The following CPT1C variants were observed in gnomAD, a reference collection of about 807,000 sequenced individuals.
The protein encoded by CPT1C is carnitine palmitoyltransferase 1C.
CPT1C carries 61 observed loss-of-function variants against 97.3 expected under a neutral mutation model. The observed-to-expected ratio is 0.63, with a 90% CI of 0.51 to 0.78. The LOEUF (loss-of-function observed/expected upper bound fraction) is 0.78, where lower values mean the gene tolerates loss of function less well. Ranked by LOEUF, CPT1C falls within the 30% of genes least tolerant of loss-of-function variation. The probability of loss-of-function intolerance (pLI) is 0.00; values close to 1 mark genes in which losing one functional copy is unlikely to be tolerated. For synonymous variants in CPT1C, 469 were observed against 447.2 expected (o/e 1.05, Z -0.61); for missense variants, 975 against 1,065.5 (o/e 0.92, Z 1.18).
At chr19:49,702,605 G>A (rs1444944309) in intron 7 of CPT1C, among the ~76,000 whole-genome samples, 1 of 145,582 alleles carries the variant, frequency 6.9e-6, no homozygotes, top group Non-Finnish European at 1.5e-5. Flanking sequence ...GGGCCACAGA[G>A]CAAGACTCTG....
In CPT1C at chr19:49,706,377, A is replaced by G; in HGVS notation, c.1307A>G (p.Tyr436Cys). 6.6e-7 allele frequency: 1 copy of G among 1,508,186 alleles called. No homozygotes were observed. The highest frequency in any genetic ancestry group is 8.8e-7 in the Non-Finnish European group (1 of 1,134,746). 93.4% of individuals were successfully genotyped at this position (1,508,186 alleles called of 1,614,324 possible). ...GACCCGGCAGCGTCGTTGGATGCCT[A>G]CGCCCATGCTCTGCTGGCCGGCCGG... Reference protein sequence around the residue: ...REDPAASLDAYAHALLAGRGH... With the variant: ...REDPAASLDACAHALLAGRGH... Residue 436 changes from tyrosine (Y) to cysteine (C), a missense_variant, in exon 12 of 20, where the codon TAC becomes TGC. By Grantham distance (194) the Tyr-to-Cys change is radical (BLOSUM62 -2). This residue lies in a region of CPT1C where 596 missense variants were observed against 603.1 expected (regional missense o/e 0.99). Coordinates refer to ENST00000598293, the MANE Select transcript of CPT1C (RefSeq NM_001199753.2). The surrounding 1 kb of genome is among the most constrained non-coding windows in gnomAD (Gnocchi z 4.8).
In CPT1C at chr19:49,692,243, C is replaced by G. The variant is rs1015325166; in HGVS notation, c.-10C>G. On this transcript the variant is annotated 5_prime_UTR_variant, in exon 3 of 20. Coordinates refer to ENST00000598293, the MANE Select transcript of CPT1C (RefSeq NM_001199753.2). ...GTATGACTCTGCCCGACTCAGGGCT[C>G]CAGCGTGACATGGCTGAAGCGCACC... 6.2e-7 allele frequency: 1 copy of G among 1,613,150 alleles called. No homozygotes were observed. Among genetic ancestry groups the G allele is most frequent in the African/African-American group, 1.3e-5 (1 of 74,898 alleles).
chr19:49,706,643 A>AC lies in CPT1C; in HGVS notation c.1343+235dup, dbSNP rs965729766. On this transcript the variant is annotated intron_variant, in intron 12 of 19. Transcript: ENST00000598293. This position sits in a 1 kb window ranked among gnomAD's most constrained non-coding sequence, Gnocchi z 4.8. ...CAAGACCTATAAACCAGACCCAGTG[A>AC]CCCCCAAATCTGAGACTCCCAAACC... 6.6e-6 allele frequency among the ~76,000 whole-genome samples: 1 copy of AC among 151,630 alleles called. No homozygotes were observed. Among genetic ancestry groups the AC allele is most frequent in the Non-Finnish European group, 1.5e-5 (1 of 67,932 alleles).
chr19:49,695,035 G>A (rs1040537609), intron 3 of CPT1C, among the ~76,000 whole-genome samples: 8 of 151,840 alleles, frequency 5.3e-5, no homozygotes, highest in African/African-American at 1.9e-4. Flanking sequence ...CAGCTACTTG[G>A]GAGGCTGAGG....
In CPT1C at chr19:49,695,144, A is replaced by G. The variant is rs143385591; in HGVS notation, c.142-2182A>G. On this transcript the variant is annotated intron_variant, in intron 3 of 19. Coordinates refer to ENST00000598293, the MANE Select transcript of CPT1C (RefSeq NM_001199753.2). ...CAACAAAGCGAGACTCCGTCTCAAA[A>G]AAAAACAAACATGTGGCCATCCTTT... Among the ~76,000 whole-genome samples, 4 of 152,274 alleles carry G rather than the reference A, an allele frequency of 2.6e-5. 1 individual carries two copies. The East Asian group carries it at 7.7e-4, about 29-fold the overall frequency.
rs1440444204 is a variant in CPT1C at position 49,697,572 on chromosome 19, C to G, written c.281+107C>G. 7.6e-6 allele frequency: 10 copies of G among 1,322,830 alleles called. No homozygotes were observed. In the East Asian group the frequency reaches 2.1e-4, roughly 28 times the overall value. 81.9% of individuals were successfully genotyped at this position (1,322,830 alleles called of 1,614,324 possible). ...TGCTAAAGAAAAGTAACCTCTGAGA[C>G]TTACATTGGGTCAGATTAATAAAGG... is the stretch of plus-strand genomic sequence containing the variant. On this transcript the variant is annotated intron_variant, in intron 4 of 19. Transcript: ENST00000598293.
chr19:49,700,623 G>A, intron 4 of CPT1C, 61 bp from the exon 5 acceptor site: 1 of 1,565,224 alleles, frequency 6.4e-7, no homozygotes, highest in Non-Finnish European at 8.7e-7. Flanking sequence ...GAGGGGGCTG[G>A]AAGGGAGGGA....
intron 3 of CPT1C, among the ~76,000 whole-genome samples, chr19:49,695,502 C>T (rs2082618424): frequency 6.6e-6 from 1 of 151,180 alleles, no homozygotes; most frequent in South Asian, 2.1e-4. Context: ...CCAGGATGAT[C>T]TCGAACTCCT....
chr19:49,712,412 G>A (rs2083951182), intron 17 of CPT1C: 1 of 384,510 alleles, frequency 2.6e-6, no homozygotes. Context: ...TTGTGGGGGG[G>A]CGGCAAGGCA....
intron 4 of CPT1C, among the ~76,000 whole-genome samples, chr19:49,700,049 C>T (rs1379715252): frequency 6.6e-6 from 1 of 151,746 alleles, no homozygotes; most frequent in East Asian, 1.9e-4. Flanking sequence ...AGATCAAGAC[C>T]ATCATGGCTA....
Position 49,710,808 on chromosome 19 carries a change from C to T in CPT1C, c.1817C>T (p.Thr606Met), listed in dbSNP as rs1227563224. The change falls in exon 16 of 20, where the codon ACG (threonine) becomes ATG (methionine). Residue 606 changes from threonine to methionine, a missense_variant. Physicochemically the swap from Thr to Met is moderately conservative, Grantham distance 81. Coordinates refer to ENST00000598293, the MANE Select transcript of CPT1C (RefSeq NM_001199753.2). ...EGRTETVRSC[T>M]REACNFVRAM... Reference sequence around the variant, plus strand: ...CGGACGGAGACGGTGCGGTCTTGCACGAGGGAGGCCTGCAACTTTGTCAGG... The same window carrying T: ...CGGACGGAGACGGTGCGGTCTTGCATGAGGGAGGCCTGCAACTTTGTCAGG... The T allele has an allele frequency of 3.1e-6, 5 of 1,613,946 alleles. No homozygotes were observed. The highest frequency in any genetic ancestry group is 2.2e-5 in the East Asian group (1 of 44,884).
chr19:49,695,939 G>C (rs1222080549), intron 3 of CPT1C, among the ~76,000 whole-genome samples: 1 of 151,606 alleles, frequency 6.6e-6, no homozygotes, highest in Non-Finnish European at 1.5e-5. Context: ...TGCAATAGCA[G>C]GATCTTGGCT....
chr19:49,692,147 G>A, intron 2 of CPT1C, 92 bp from the exon 3 acceptor site: 1 of 1,379,772 alleles, frequency 7.2e-7, no homozygotes. Flanking sequence ...TGGACTCCTG[G>A]GTATGAAGGA....
intron 4 of CPT1C, among the ~76,000 whole-genome samples, chr19:49,700,099 T>C (rs1054335861): frequency 6.7e-6 from 1 of 149,874 alleles, no homozygotes; most frequent in African/African-American, 2.5e-5. Flanking sequence ...TAACAACAAA[T>C]AGCCGGGCGT....
rs764830492 is a variant in CPT1C, at chr19:49,697,323, C to T, written c.142-3C>T. On this transcript the variant is annotated splice_polypyrimidine_tract_variant and splice_region_variant and intron_variant, in intron 3 of 19. Transcript: ENST00000598293. The stretch of plus-strand genomic sequence containing the variant: ...TTCAATGGATGCCCTTTCCTCCCCA[C>T]AGAATGACTTTCTCACCGGTGTGTT... 6.2e-7 allele frequency: 1 copy of T among 1,614,012 alleles called. No individual in the cohort carries two copies. Among genetic ancestry groups the T allele is most frequent in the Non-Finnish European group, 8.5e-7 (1 of 1,180,010 alleles).
chr19:49,712,033 A>G (rs2123510032), intron 17 of CPT1C, 72 bp downstream of exon 17: 1 of 1,551,650 alleles, frequency 6.4e-7, no homozygotes, highest in East Asian at 2.3e-5. Context: ...TCAGGGAAGG[A>G]GGGTGATGTT....
At chr19:49,694,240 G>A (rs1189061419) in intron 3 of CPT1C, among the ~76,000 whole-genome samples, 1 of 152,062 alleles carries the variant, frequency 6.6e-6, no homozygotes, top group Non-Finnish European at 1.5e-5. Context: ...AGGGTATGGT[G>A]ACATTCTATA....
At chr19:49,694,088 AAAT>A (rs1393187019) in intron 3 of CPT1C, among the ~76,000 whole-genome samples, 1 of 43,646 alleles carries the variant, frequency 2.3e-5, no homozygotes, top group African/African-American at 3.3e-4. Context: ...ATAAAATAAA[AAAT>A]AAATAAATAA....
In CPT1C at chr19:49,712,865, C is replaced by T. The variant is rs552439061; in HGVS notation, c.2133+16C>T. The T allele has an allele frequency of 1.5e-5, 13 of 875,000 alleles. No individual in the cohort carries two copies. The highest frequency in any genetic ancestry group is 2.6e-5 in the Admixed American group (1 of 37,836). 54.2% of individuals were successfully genotyped at this position (875,000 alleles called of 1,614,324 possible). A position where few individuals can be genotyped will look rare whatever the true frequency, so the allele number is the denominator to read the frequency against. On this transcript the variant is annotated intron_variant, in intron 18 of 19. Transcript: ENST00000598293. ...ATTCGGGCCTGTGAGTGGAGCTGGGCGCGCTGGCCCCCAGAGGAAAGAGGG... is the reference window on the plus strand; with the variant it reads ...ATTCGGGCCTGTGAGTGGAGCTGGGTGCGCTGGCCCCCAGAGGAAAGAGGG...
Sources: gnomAD v4.1 joint callset for allele counts (sites outside exome capture counted in the v4.1 genomes callset) on GRCh38, gnomAD v4.1.1 for gene constraint, gnomAD v4.1.1 regional missense constraint, Gnocchi (gnomAD v3.1) non-coding constraint, MANE v1.5 for transcripts, NCBI Gene and HGNC (gene_info 2026-07-23, HGNC 2026-07-21) for gene names.